E2F3: variants seen among roughly 807,000 people sequenced by gnomAD.
The protein encoded by E2F3 is transcription factor E2F3.
Under a neutral mutation model 44.4 loss-of-function variants are expected in E2F3, and 11 were observed. That is an observed-to-expected ratio of 0.25 (90% confidence interval 0.16 to 0.41). The LOEUF (loss-of-function observed/expected upper bound fraction) is 0.41. E2F3 is among the 10% of genes least tolerant of loss of function. E2F3 has a pLI of 1.00. For synonymous variants in E2F3, 249 were observed against 253.0 expected (o/e 0.98, Z 0.15); for missense variants, 487 against 583.6 (o/e 0.83, Z 1.70).
intron 1 of E2F3, among the ~76,000 whole-genome samples, chr6:20,416,484 T>G (rs1270599702): frequency 1.3e-5 from 2 of 152,230 alleles, no homozygotes; most frequent in Non-Finnish European, 2.9e-5. Flanking sequence ...CCTGGTCTTG[T>G]CTTTGATGGG....
At chr6:20,475,940 C>A (rs766455862) in intron 1 of E2F3, among the ~76,000 whole-genome samples, 5 of 152,198 alleles carry the variant, frequency 3.3e-5, no homozygotes, top group African/African-American at 9.6e-5. Context: ...ATCTTCCTGG[C>A]GGTCACAAGA....
intron 1 of E2F3, among the ~76,000 whole-genome samples, chr6:20,417,641 C>T (rs1309853890): frequency 6.6e-6 from 1 of 150,378 alleles, no homozygotes; most frequent in South Asian, 2.1e-4. Flanking sequence ...TTTATTTCTG[C>T]ACTAGCCCAA....
At chr6:20,486,617 G>A in intron 4 of E2F3, 72 bp from the exon 5 acceptor site, 1 of 831,544 alleles carries the variant, frequency 1.2e-6, no homozygotes. Context: ...AATATTCCAT[G>A]CATCTATTTT....
chr6:20,406,314 A>G (rs1057128489), intron 1 of E2F3, among the ~76,000 whole-genome samples: 1 of 152,254 alleles, frequency 6.6e-6, no homozygotes, highest in Non-Finnish European at 1.5e-5. Flanking sequence ...AAACAGTGTC[A>G]CCTTTAAGGT....
intron 6 of E2F3, among the ~76,000 whole-genome samples, chr6:20,489,235 C>T (rs1216681990): frequency 1.3e-5 from 2 of 152,180 alleles, no homozygotes; most frequent in East Asian, 3.8e-4. Context: ...TCTTTCTTCA[C>T]CACAGAAATC....
At chr6:20,403,608 G>A in intron 1 of E2F3, 1 of 474,184 alleles carries the variant, frequency 2.1e-6, no homozygotes, top group East Asian at 3.6e-5. Flanking sequence ...GGAGAGGGGG[G>A]CACCCACTTC....
At chr6:20,449,285 C>G (rs997596397) in intron 1 of E2F3, among the ~76,000 whole-genome samples, 1 of 152,162 alleles carries the variant, frequency 6.6e-6, no homozygotes. Flanking sequence ...CTGCCTACTA[C>G]GCCTTTTATA....
At chr6:20,458,207 C>T (rs1761378767) in intron 1 of E2F3, among the ~76,000 whole-genome samples, 1 of 152,152 alleles carries the variant, frequency 6.6e-6, no homozygotes, top group Non-Finnish European at 1.5e-5. Flanking sequence ...AAATGTTTGC[C>T]CACATTACTG....
chr6:20,415,517 A>G (rs564825117), intron 1 of E2F3, among the ~76,000 whole-genome samples: 1 of 152,222 alleles, frequency 6.6e-6, no homozygotes, highest in African/African-American at 2.4e-5. Context: ...GTTAACAACA[A>G]TCGAAATTAT....
At position 20,402,230 on chromosome 6, in the gene E2F3, G is replaced by T; in HGVS notation, c.-3G>T. On this transcript the variant is annotated 5_prime_UTR_variant, in exon 1 of 7. Coordinates refer to ENST00000346618, the MANE Select transcript of E2F3 (RefSeq NM_001949.5). The surrounding 1 kb of genome is among the most constrained non-coding windows in gnomAD (Gnocchi z 5.6). ...ATAACACTAAAAAGAGCAGGAGCGA[G>T]AGATGAGAAAGGGAATCCAGCCCGC... 1 of 1,586,492 alleles carries T rather than the reference G, an allele frequency of 6.3e-7. No homozygotes were observed. The highest frequency in any genetic ancestry group is 8.5e-7 in the Non-Finnish European group (1 of 1,172,528).
chr6:20,415,420 A>G (rs1341123838), intron 1 of E2F3, among the ~76,000 whole-genome samples: 1 of 152,196 alleles, frequency 6.6e-6, no homozygotes, highest in Non-Finnish European at 1.5e-5. Context: ...GTGGGCAGTT[A>G]ACAGTGGTGG....
intron 1 of E2F3, among the ~76,000 whole-genome samples, chr6:20,443,190 C>T (rs1183002541): frequency 6.6e-6 from 1 of 152,012 alleles, no homozygotes; most frequent in Non-Finnish European, 1.5e-5. Flanking sequence ...GTGGACCAGC[C>T]CTTCTCAAAG....
At chr6:20,418,319 G>A (rs1166465920) in intron 1 of E2F3, among the ~76,000 whole-genome samples, 1 of 152,166 alleles carries the variant, frequency 6.6e-6, no homozygotes, top group Non-Finnish European at 1.5e-5. Context: ...AGTAACAAGT[G>A]GCAAGTGTTG....
At chr6:20,406,850 G>T (rs1380811515) in intron 1 of E2F3, among the ~76,000 whole-genome samples, 2 of 152,120 alleles carry the variant, frequency 1.3e-5, no homozygotes, top group Non-Finnish European at 2.9e-5. Context: ...GTGAACTGTT[G>T]GAAATGTAAG....
At chr6:20,459,714 G>A (rs541598439) in intron 1 of E2F3, among the ~76,000 whole-genome samples, 2 of 152,268 alleles carry the variant, frequency 1.3e-5, no homozygotes, top group African/African-American at 2.4e-5. Context: ...AGGCCTAGGC[G>A]GGCAGATCAC....
chr6:20,487,956 C>T (rs955555931), intron 5 of E2F3, among the ~76,000 whole-genome samples, 157 bp from the exon 6 acceptor site: 1 of 152,168 alleles, frequency 6.6e-6, no homozygotes, highest in Non-Finnish European at 1.5e-5. Context: ...CTGACCCCTG[C>T]TCTAGAGGAT....
chr6:20,412,923 G>A (rs746342627), intron 1 of E2F3, among the ~76,000 whole-genome samples: 4 of 152,202 alleles, frequency 2.6e-5, no homozygotes, highest in Non-Finnish European at 2.9e-5. Flanking sequence ...TCGAGTGCCC[G>A]CATGTATCGA....
intron 1 of E2F3, among the ~76,000 whole-genome samples, chr6:20,444,647 C>T (rs941309871): frequency 1.3e-5 from 2 of 152,094 alleles, no homozygotes; most frequent in South Asian, 2.1e-4. Context: ...TGGCTCCTTT[C>T]GTTGCTGTTT....
At chr6:20,414,378 G>A (rs1295502902) in intron 1 of E2F3, among the ~76,000 whole-genome samples, 1 of 152,058 alleles carries the variant, frequency 6.6e-6, no homozygotes, top group East Asian at 1.9e-4. Context: ...AGAGCCAGCT[G>A]GAAAGTACTG....
Sources: gnomAD v4.1 joint callset for allele counts (sites outside exome capture counted in the v4.1 genomes callset) on GRCh38, gnomAD v4.1.1 for gene constraint, Gnocchi (gnomAD v3.1) non-coding constraint, MANE v1.5 for transcripts, NCBI Gene and HGNC (gene_info 2026-07-23, HGNC 2026-07-21) for gene names.